Variants in KMT2C observed in about 807,000 individuals in gnomAD.
The protein encoded by KMT2C is lysine methyltransferase 2C, also known as histone-lysine N-methyltransferase 2C.
A neutral mutation model predicts 507.9 loss-of-function variants in KMT2C; 88 were observed. The observed-to-expected ratio is 0.17, with a 90% CI of 0.15 to 0.21. The LOEUF is 0.21. Among genes scored for constraint, KMT2C ranks in the 10% least tolerant of loss-of-function variants. The probability of loss-of-function intolerance (pLI) is 1.00; values close to 1 mark genes in which losing one functional copy is unlikely to be tolerated. For missense variants in KMT2C, 4,954 were observed against 5,957.8 expected (o/e 0.83, Z 5.55); for synonymous variants, 2,049 against 2,080.8 (o/e 0.98, Z 0.42).
intron 42 of KMT2C, 57 bp downstream of exon 42, chr7:152,167,089 C>T: frequency 7.2e-7 from 1 of 1,397,798 alleles, no homozygotes. Context: ...AACAACACAC[C>T]AAAACATTCT....
intron 16 of KMT2C, among the ~76,000 whole-genome samples, chr7:152,232,326 G>A (rs758431353): frequency 1.2e-4 from 18 of 152,160 alleles, no homozygotes; most frequent in Admixed American, 1.3e-4. Context: ...AGAAAATTAC[G>A]CAACATTTTA....
At chr7:152,287,262 G>A (rs1281330121) in intron 6 of KMT2C, among the ~76,000 whole-genome samples, 1 of 152,226 alleles carries the variant, frequency 6.6e-6, no homozygotes, top group Non-Finnish European at 1.5e-5. Context: ...GCACTGCCCA[G>A]TGATAACTTA....
rs2129097501 is a variant in KMT2C at position 152,152,759 on chromosome 7, C to T, written c.12472G>A (p.Val4158Met). 6.2e-7 allele frequency: 1 copy of T among 1,614,206 alleles called. No homozygotes were observed. The highest frequency in any genetic ancestry group is 1.7e-5 in the Admixed American group (1 of 60,024). The change falls in exon 49 of 59, where the codon GTG (valine) becomes ATG (methionine). Residue 4158 changes from valine to methionine, a missense_variant. Val to Met is a conservative substitution (Grantham distance 21). Transcript: ENST00000262189. ...PPGSANPPRL[V>M]SSYRLKQPNV... is the part of the protein sequence containing the mutation. ...GGCTGCTTCAGCCGGTAAGAGCTCA[C>T]TAATCTGGGAGGGTTTGCAGATCCT... is the stretch of plus-strand genomic sequence containing the variant.
intron 6 of KMT2C, among the ~76,000 whole-genome samples, chr7:152,295,150 TA>T (rs1344328728): frequency 5.3e-5 from 8 of 152,360 alleles, no homozygotes; most frequent in African/African-American, 1.9e-4. Context: ...CTTTATGTTT[TA>T]CACATAATAC....
chr7:152,365,934 A>G (rs2129237858), intron 1 of KMT2C, among the ~76,000 whole-genome samples: 1 of 152,326 alleles, frequency 6.6e-6, no homozygotes, highest in South Asian at 2.1e-4. Flanking sequence ...AAAAATGAGC[A>G]AAGAACTTCC....
intron 31 of KMT2C, 102 bp downstream of exon 31, chr7:152,193,907 G>T: frequency 9.9e-7 from 1 of 1,007,304 alleles, no homozygotes; most frequent in Non-Finnish European, 1.4e-6. Flanking sequence ...TTGTATACGT[G>T]GCTACTAAAG....
intron 31 of KMT2C, among the ~76,000 whole-genome samples, chr7:152,192,338 T>C (rs1307459288): frequency 1.3e-5 from 2 of 152,028 alleles, no homozygotes; most frequent in Non-Finnish European, 2.9e-5. Flanking sequence ...GTCAGGAGTT[T>C]AAGGCCAGCC....
chr7:152,385,867 C>T (rs2097421688), intron 1 of KMT2C, among the ~76,000 whole-genome samples: 1 of 151,630 alleles, frequency 6.6e-6, no homozygotes, highest in South Asian at 2.1e-4. Flanking sequence ...GCGGGTGAAT[C>T]ACCTGAGGTC....
chr7:152,348,646 C>T (rs1166529010), intron 2 of KMT2C, among the ~76,000 whole-genome samples: 1 of 128,338 alleles, frequency 7.8e-6, no homozygotes, highest in African/African-American at 2.8e-5. Flanking sequence ...AGAAAAAAAG[C>T]ATAGGGAATA....
At chr7:152,275,876 G>A (rs2096071149) in intron 6 of KMT2C, among the ~76,000 whole-genome samples, 1 of 152,186 alleles carries the variant, frequency 6.6e-6, no homozygotes, top group Non-Finnish European at 1.5e-5. Flanking sequence ...CATATGGCAA[G>A]TTTTGCAGAA....
chr7:152,351,395 C>G (rs893065391), intron 2 of KMT2C, among the ~76,000 whole-genome samples: 4 of 152,164 alleles, frequency 2.6e-5, no homozygotes. Context: ...GACATCACGA[C>G]AGCTATGACA....
chr7:152,259,659 T>C (rs1305321743), intron 9 of KMT2C, among the ~76,000 whole-genome samples: 2 of 152,100 alleles, frequency 1.3e-5, no homozygotes, highest in Non-Finnish European at 2.9e-5. Flanking sequence ...ACAGACATTC[T>C]TGAGATAAAA....
chr7:152,158,440 T>C lies in KMT2C; in HGVS notation c.11670+423A>G, dbSNP rs2092228595. Among the ~76,000 whole-genome samples, 3 of 152,162 alleles carry C rather than the reference T, an allele frequency of 2.0e-5. No individual in the cohort carries two copies. The South Asian group carries it at 6.2e-4, about 31-fold the overall frequency. On this transcript the variant is annotated intron_variant, in intron 44 of 58. Coordinates refer to ENST00000262189, the MANE Select transcript of KMT2C (RefSeq NM_170606.3). ...CAATAGGATACGGTGCAATTCTGCT[T>C]GGAAAAAGTCTACTAGGTTCCTTGT...
intron 14 of KMT2C, among the ~76,000 whole-genome samples, chr7:152,246,775 A>G (rs891795393): frequency 6.6e-6 from 1 of 152,136 alleles, no homozygotes; most frequent in African/African-American, 2.4e-5. Flanking sequence ...GTCAAGGAAA[A>G]TACTTAGAAA....
chr7:152,191,349 C>G (rs1280392575), intron 31 of KMT2C, among the ~76,000 whole-genome samples: 1 of 152,178 alleles, frequency 6.6e-6, no homozygotes, highest in Non-Finnish European at 1.5e-5. Context: ...TCATGATTAT[C>G]CTCTGGGCCC....
In KMT2C at chr7:152,231,589, T is replaced by A. The variant is rs538910142; in HGVS notation, c.2770-1268A>T. On this transcript the variant is annotated intron_variant, in intron 16 of 58. Coordinates refer to ENST00000262189, the MANE Select transcript of KMT2C (RefSeq NM_170606.3). ...TGAGCTCAGGAGTTCGAGACCAGCC[T>A]GGGCAACACGGTGAAATCCTGTCTC... Among the ~76,000 whole-genome samples, 21 of 152,322 alleles carry A rather than the reference T, an allele frequency of 1.4e-4. No individual in the cohort carries two copies. In the East Asian group the frequency reaches 4.1e-3, roughly 30 times the overall value.
At chr7:152,261,495 G>C (rs2095776516) in intron 9 of KMT2C, among the ~76,000 whole-genome samples, 1 of 151,776 alleles carries the variant, frequency 6.6e-6, no homozygotes, top group Admixed American at 6.6e-5. Context: ...GTCACTACAA[G>C]TATCAACACA....
chr7:152,416,404 G>A (rs2097736110), intron 1 of KMT2C, among the ~76,000 whole-genome samples: 1 of 152,230 alleles, frequency 6.6e-6, no homozygotes, highest in African/African-American at 2.4e-5. Context: ...AATTAGCCGG[G>A]CATGGTGGCA....
intron 31 of KMT2C, among the ~76,000 whole-genome samples, chr7:152,193,418 T>C (rs1442349775): frequency 6.6e-6 from 1 of 152,098 alleles, no homozygotes; most frequent in Non-Finnish European, 1.5e-5. Flanking sequence ...TCTACAGGGA[T>C]AGAAAGGTCA....
Sources: gnomAD v4.1 joint callset for allele counts (sites outside exome capture counted in the v4.1 genomes callset) on GRCh38, gnomAD v4.1.1 for gene constraint, MANE v1.5 for transcripts, NCBI Gene and HGNC (gene_info 2026-07-23, HGNC 2026-07-21) for gene names.